Variants in ADHFE1 observed in about 807,000 individuals in gnomAD.
ADHFE1 encodes hydroxyacid-oxoacid transhydrogenase, mitochondrial.
Under a neutral mutation model 54.8 loss-of-function variants are expected in ADHFE1, and 37 were observed. The ratio of observed to expected loss-of-function variants is 0.68; its 90% CI spans 0.52 to 0.89. The LOEUF (loss-of-function observed/expected upper bound fraction) is 0.89, where lower values mean the gene tolerates loss of function less well. Ranked by LOEUF, ADHFE1 falls within the 40% of genes least tolerant of loss-of-function variation. ADHFE1 has a pLI of 0.00. For synonymous variants in ADHFE1, 203 were observed against 229.3 expected (o/e 0.89, Z 1.04); for missense variants, 601 against 591.2 (o/e 1.02, Z -0.17).
At chr8:66,464,533 C>G (rs543999478) in intron 13 of ADHFE1, among the ~76,000 whole-genome samples, 3 of 152,132 alleles carry the variant, frequency 2.0e-5, no homozygotes, top group Non-Finnish European at 4.4e-5. Flanking sequence ...CATAATGAGA[C>G]CCTCTGCCTT....
At position 66,454,269 on chromosome 8, in the gene ADHFE1, ATTTAAC is replaced by A. The variant is rs1429379387; in HGVS notation, c.986+117_986+122del. The A allele has an allele frequency of 7.7e-6, 8 of 1,032,736 alleles. No individual in the cohort carries two copies. In the Admixed American group the frequency reaches 2.2e-4, roughly 28 times the overall value. The allele number at this position is 1,032,736 out of a possible 1,614,324, so 64.0% of individuals were successfully genotyped here. On this transcript the variant is annotated intron_variant, in intron 10 of 13. Coordinates refer to ENST00000396623, the MANE Select transcript of ADHFE1 (RefSeq NM_144650.3). ...TTTAAATATGCTATAGAAGGAAGAAATTTAACTTTATGTTCCTAAATGTATTCTTCT... is the reference window on the plus strand; with the variant it reads ...TTTAAATATGCTATAGAAGGAAGAAATTTATGTTCCTAAATGTATTCTTCT...
In ADHFE1 at chr8:66,468,444, C is replaced by T. The variant is rs992560039; in HGVS notation, c.*92C>T. 5.5e-5 allele frequency: 54 copies of T among 975,294 alleles called. No homozygotes were observed. In the African/African-American group the frequency reaches 9.2e-4, roughly 17 times the overall value. The allele number at this position is 975,294 out of a possible 1,614,324, so 60.4% of individuals were successfully genotyped here. A position where few individuals can be genotyped will look rare whatever the true frequency, so the allele number is the denominator to read the frequency against. The stretch of plus-strand genomic sequence containing the variant: ...AGGGCTTTGTCTTTTCATCTTTGCG[C>T]ATAACTTACCTGTTACCAGTATAGG... On this transcript the variant is annotated 3_prime_UTR_variant, in exon 14 of 14. Coordinates refer to ENST00000396623, the MANE Select transcript of ADHFE1 (RefSeq NM_144650.3).
At chr8:66,442,450 A>T (rs1184687234) in intron 2 of ADHFE1, among the ~76,000 whole-genome samples, 4 of 151,536 alleles carry the variant, frequency 2.6e-5, no homozygotes, top group African/African-American at 4.9e-5. Flanking sequence ...AGCTCGGACT[A>T]CAGGCGCTCG....
In ADHFE1 at chr8:66,451,456, T is replaced by G. The variant is rs540469142; in HGVS notation, c.735-497T>G. Among the ~76,000 whole-genome samples, 4 of 152,306 alleles carry G rather than the reference T, an allele frequency of 2.6e-5. No individual in the cohort carries two copies. The East Asian group carries it at 7.7e-4, about 29-fold the overall frequency. ...CACCAGGTCCGCAGCAGGAATATCT[T>G]GTTCCAGGATTGACATCTGGGCAGC... On this transcript the variant is annotated intron_variant, in intron 8 of 13. Coordinates refer to ENST00000396623, the MANE Select transcript of ADHFE1 (RefSeq NM_144650.3).
At chr8:66,457,712 C>T (rs1806664015) in intron 12 of ADHFE1, among the ~76,000 whole-genome samples, 2 of 152,052 alleles carry the variant, frequency 1.3e-5, no homozygotes, top group Admixed American at 6.6e-5. Flanking sequence ...AGTGACTTGA[C>T]CAAAGCCCTA....
At chr8:66,464,735 A>G (rs998985291) in intron 13 of ADHFE1, among the ~76,000 whole-genome samples, 2 of 152,170 alleles carry the variant, frequency 1.3e-5, no homozygotes, top group Non-Finnish European at 2.9e-5. Flanking sequence ...TACCATTTTA[A>G]CCATTTTTAA....
At chr8:66,468,144 G>A (rs1807300032) in intron 13 of ADHFE1, 125 bp from the exon 14 acceptor site, 11 of 647,354 alleles carry the variant, frequency 1.7e-5, no homozygotes, top group South Asian at 7.7e-5. Flanking sequence ...AAGAAATACC[G>A]TTTTTAAAGA....
At chr8:66,452,217 G>T in intron 9 of ADHFE1, 112 bp downstream of exon 9, 1 of 1,398,340 alleles carries the variant, frequency 7.2e-7, no homozygotes. Context: ...TTCCAGAAAA[G>T]CAGTCAGTGG....
At chr8:66,461,574 A>G (rs1298291284) in intron 13 of ADHFE1, among the ~76,000 whole-genome samples, 2 of 152,000 alleles carry the variant, frequency 1.3e-5, no homozygotes, top group Non-Finnish European at 2.9e-5. Context: ...CCAGGTAGAG[A>G]ATAGCAGTGA....
chr8:66,467,585 T>C (rs923735430), intron 13 of ADHFE1, among the ~76,000 whole-genome samples: 1 of 152,010 alleles, frequency 6.6e-6, no homozygotes, highest in Admixed American at 6.5e-5. Context: ...CCCATGAAAA[T>C]GGAACCTCAA....
chr8:66,449,550 T>C (rs1244284940), intron 8 of ADHFE1, among the ~76,000 whole-genome samples: 1 of 152,218 alleles, frequency 6.6e-6, no homozygotes, highest in Non-Finnish European at 1.5e-5. Flanking sequence ...TTGAGATGTT[T>C]AGTGACTTGC....
chr8:66,432,960 C>A, intron 1 of ADHFE1: 1 of 981,924 alleles, frequency 1.0e-6, no homozygotes, highest in Non-Finnish European at 1.2e-6. Context: ...TCTGGGGATA[C>A]AAAGATGAAA....
chr8:66,453,792 A>G, intron 9 of ADHFE1: 1 of 1,425,780 alleles, frequency 7.0e-7, no homozygotes, highest in Non-Finnish European at 9.4e-7. Flanking sequence ...TCCAGGGACC[A>G]GCGCGTTGCC....
intron 13 of ADHFE1, among the ~76,000 whole-genome samples, chr8:66,466,430 A>AT (rs1328263792): frequency 1.3e-5 from 2 of 151,782 alleles, no homozygotes; most frequent in African/African-American, 4.8e-5. Flanking sequence ...ATTCCTAAAG[A>AT]TTTTTCCCTA....
At chr8:66,445,585 A>C (rs1053618459) in intron 6 of ADHFE1, among the ~76,000 whole-genome samples, 171 bp downstream of exon 6, 3 of 152,206 alleles carry the variant, frequency 2.0e-5, no homozygotes, top group Non-Finnish European at 4.4e-5. Flanking sequence ...TCTGATCTTC[A>C]TTATTGTATA....
At chr8:66,451,405 T>C (rs892484850) in intron 8 of ADHFE1, among the ~76,000 whole-genome samples, 2 of 152,212 alleles carry the variant, frequency 1.3e-5, no homozygotes, top group African/African-American at 4.8e-5. Flanking sequence ...TATTTATCCC[T>C]GTCTTAGAGT....
intron 1 of ADHFE1, among the ~76,000 whole-genome samples, chr8:66,438,881 G>T (rs1449503558): frequency 6.6e-6 from 1 of 151,958 alleles, no homozygotes; most frequent in Non-Finnish European, 1.5e-5. Flanking sequence ...AAAAAAAGGT[G>T]GCGGGGGGTG....
rs139628863 is a variant in ADHFE1, at chr8:66,437,435, A to G, written c.60-2727A>G. Among the ~76,000 whole-genome samples the G allele has an allele frequency of 2.2e-3, 331 of 152,134 alleles. 2 individuals carry two copies. Among genetic ancestry groups the G allele is most frequent in the African/African-American group, 7.8e-3 (324 of 41,514 alleles). On this transcript the variant is annotated intron_variant, in intron 1 of 13. Coordinates refer to ENST00000396623, the MANE Select transcript of ADHFE1 (RefSeq NM_144650.3). ...GGGCCAGAGCCAGGAGGGCAGGTAG[A>G]TGAGGTCCTGCTCTCCCCAAGCCTC...
chr8:66,445,432 C>A lies in ADHFE1; in HGVS notation c.550+18C>A, dbSNP rs144552111. 13 of 1,582,344 alleles carry A rather than the reference C, an allele frequency of 8.2e-6. No homozygotes were observed. In the Admixed American group the frequency reaches 9.5e-5, roughly 12 times the overall value. On this transcript the variant is annotated intron_variant, in intron 6 of 13. Coordinates refer to ENST00000396623, the MANE Select transcript of ADHFE1 (RefSeq NM_144650.3). ...GATTGCAGGTAAAGACTGTTTATTT[C>A]TTTGTTTGTTTTATTTTGCAATGAG...
Sources: allele counts gnomAD v4.1 joint callset (sites outside exome capture counted in the v4.1 genomes callset), GRCh38; gene constraint gnomAD v4.1.1; transcripts MANE v1.5; gene names NCBI Gene and HGNC (gene_info 2026-07-23, HGNC 2026-07-21).